The following TPO variants were observed in gnomAD, a reference collection of about 807,000 sequenced individuals.
The protein encoded by TPO is thyroid microsomal antigen.
In TPO, 78 loss-of-function variants were observed where a neutral mutation model predicts 96.9. That is an observed-to-expected ratio of 0.81 (90% CI 0.67 to 0.97). The LOEUF is 0.97. TPO is among the 50% of genes least tolerant of loss of function. TPO has a pLI of 0.00. For synonymous variants in TPO, 547 were observed against 538.0 expected (o/e 1.02, Z -0.23); for missense variants, 1,252 against 1,274.8 (o/e 0.98, Z 0.27).
Position 1,468,515 on chromosome 2 carries a change from AG to A in TPO, c.820-8569del, listed in dbSNP as rs1349749627. On this transcript the variant is annotated intron_variant, in intron 7 of 16. Transcript: ENST00000329066. ...TTTTGGTGGATAATTGTTTTGTCTG[AG>A]GAGGCTGAAGATGGGTCCCAATCCC... Among the ~76,000 whole-genome samples, 6 of 152,156 alleles carry A rather than the reference AG, an allele frequency of 3.9e-5. No individual in the cohort carries two copies. In the East Asian group the frequency reaches 1.2e-3, roughly 29 times the overall value.
chr2:1,394,108 C>T lies in TPO; in HGVS notation n.180+19706C>T, dbSNP rs185861788. ...ATCATTGACAAAATATGTCCAGCAG[C>T]CCCCAAATATTTCACTACATCCACT... is the stretch of plus-strand genomic sequence containing the variant. On this transcript the variant is annotated intron_variant and non_coding_transcript_variant, in intron 1 of 5. Coordinates refer to the TPO transcript ENST00000497517. 2.6e-3 allele frequency among the ~76,000 whole-genome samples: 390 copies of T among 152,278 alleles called. 8 individuals carry two copies. Among genetic ancestry groups the T allele is most frequent in the Middle Eastern group, 3.4e-3 (1 of 294 alleles).
intron 10 of TPO, among the ~76,000 whole-genome samples, chr2:1,491,368 T>C (rs1671758625): frequency 6.6e-6 from 1 of 152,190 alleles, no homozygotes; most frequent in Admixed American, 6.5e-5. Context: ...GCAAATGTGT[T>C]TCCTCTTAGA....
At chr2:1,522,682 A>G (rs1295935218) in intron 15 of TPO, among the ~76,000 whole-genome samples, 1 of 152,034 alleles carries the variant, frequency 6.6e-6, no homozygotes, top group African/African-American at 2.4e-5. Context: ...AGTCTGACAC[A>G]TCGCAAAGGC....
In TPO at chr2:1,535,490, C is replaced by T. The variant is rs372967511; in HGVS notation, c.2619-5104C>T. On this transcript the variant is annotated intron_variant, in intron 15 of 16. Coordinates refer to ENST00000329066, the MANE Select transcript of TPO (RefSeq NM_001206744.2). Reference sequence around the variant, plus strand: ...AATCAGCCCCACTCCGTGCAACCTCCGCCTATCCCTCCCACTGGGTGCAAC... The same window carrying T: ...AATCAGCCCCACTCCGTGCAACCTCTGCCTATCCCTCCCACTGGGTGCAAC... Among the ~76,000 whole-genome samples the T allele has an allele frequency of 1.2e-4, 9 of 72,946 alleles. 1 individual carries two copies. The East Asian group carries it at 5.1e-3, about 42-fold the overall frequency. 47.9% of individuals were successfully genotyped at this position (72,946 alleles called of 152,430 possible). A position where few individuals can be genotyped will look rare whatever the true frequency, so the allele number is the denominator to read the frequency against.
intron 15 of TPO, among the ~76,000 whole-genome samples, chr2:1,538,369 C>T (rs970677900): frequency 8.5e-5 from 13 of 152,138 alleles, no homozygotes; most frequent in African/African-American, 2.9e-4. Flanking sequence ...TGAAGAAGAT[C>T]GAATTCAAAT....
At chr2:1,541,412 C>T in intron 16 of TPO, 1 of 169,810 alleles carries the variant, frequency 5.9e-6, no homozygotes, top group South Asian at 1.6e-4. Flanking sequence ...GACTGGAGTG[C>T]AGTGGCACAA....
intron 3 of TPO, among the ~76,000 whole-genome samples, chr2:1,423,969 A>G (rs1664057740): frequency 2.0e-5 from 3 of 152,224 alleles, no homozygotes; most frequent in African/African-American, 7.2e-5. Flanking sequence ...GTGCGTAGTA[A>G]GAAGTGTGTG....
rs745984150 is a variant in TPO at position 1,383,036 on chromosome 2, C to A, written n.180+8634C>A. Among the ~76,000 whole-genome samples, 116 of 152,062 alleles carry A rather than the reference C, an allele frequency of 7.6e-4. 1 individual carries two copies. The highest frequency in any genetic ancestry group is 1.5e-3 in the Non-Finnish European group (105 of 67,986). ...TGATGGTTTCCAGCTTCATCCATGT[C>A]CCTACAAAGGACATGAACTCATCAT... On this transcript the variant is annotated intron_variant and non_coding_transcript_variant, in intron 1 of 5. Coordinates refer to the TPO transcript ENST00000497517.
chr2:1,531,176 GAGCAACCTCCCCAAATCCCCACACTGTC>G (rs532653267), intron 15 of TPO, among the ~76,000 whole-genome samples: 1 of 91,030 alleles, frequency 1.1e-5, no homozygotes, highest in Non-Finnish European at 2.1e-5. Flanking sequence ...CCCCCACTGT[GAGCAACCTCCCCAAATCCCCACACTGTC>G]TGCAACCACC....
At chr2:1,484,499 T>G (rs375004639) in intron 8 of TPO, 97 bp from the exon 9 acceptor site, 1 of 1,529,148 alleles carries the variant, frequency 6.5e-7, no homozygotes, top group African/African-American at 1.4e-5. Flanking sequence ...TCCAGTTCCC[T>G]GGGGCTGTCA....
Position 1,436,264 on chromosome 2 carries a change from A to G in TPO, c.362A>G (p.Glu121Gly), listed in dbSNP as rs777203466. The G allele has an allele frequency of 1.2e-6, 2 of 1,614,210 alleles. No individual in the cohort carries two copies. Among genetic ancestry groups the G allele is most frequent in the South Asian group, 2.2e-5 (2 of 91,080 alleles). Residue 121 changes from glutamate (E) to glycine (G), a missense_variant, in exon 5 of 17, where the codon GAA (glutamate) becomes GGA (glycine). Coordinates refer to ENST00000329066, the MANE Select transcript of TPO (RefSeq NM_001206744.2). ...CTATTTTTCACAGATGCTTTATCAGAAGATCTGCTGAGCATCATTGCAAAC... is the reference window on the plus strand; with the variant it reads ...CTATTTTTCACAGATGCTTTATCAGGAGATCTGCTGAGCATCATTGCAAAC... ...QSQHPTDALS[E>G]DLLSIIANMS... is the part of the protein sequence containing the mutation.
At chr2:1,479,309 G>A (rs1041960700) in intron 8 of TPO, among the ~76,000 whole-genome samples, 1 of 152,168 alleles carries the variant, frequency 6.6e-6, no homozygotes, top group Non-Finnish European at 1.5e-5. Flanking sequence ...GACCTCCACG[G>A]GCAGATGTTC....
At chr2:1,487,756 A>G in intron 9 of TPO, 65 bp from the exon 10 acceptor site, 4 of 1,555,058 alleles carry the variant, frequency 2.6e-6, no homozygotes, top group Admixed American at 1.8e-5. Flanking sequence ...AAAAAAATTG[A>G]GATATTGTTG....
chr2:1,535,730 T>C (rs1679488620), intron 15 of TPO, among the ~76,000 whole-genome samples: 1 of 78,990 alleles, frequency 1.3e-5, no homozygotes, highest in Non-Finnish European at 2.5e-5. Flanking sequence ...ACCCAGTGTG[T>C]GCAACCTCCC....
intron 15 of TPO, among the ~76,000 whole-genome samples, chr2:1,519,570 T>C (rs983755040): frequency 2.6e-5 from 4 of 152,204 alleles, no homozygotes; most frequent in South Asian, 2.1e-4. Flanking sequence ...ATATTCCCTA[T>C]GTTTTATGAA....
At chr2:1,526,625 C>T (rs1329943511) in intron 15 of TPO, among the ~76,000 whole-genome samples, 5 of 148,714 alleles carry the variant, frequency 3.4e-5, no homozygotes, top group African/African-American at 7.5e-5. Flanking sequence ...GTGCAACCTC[C>T]CCAAATCTCC....
At chr2:1,481,223 T>A (rs1356185354) in intron 8 of TPO, among the ~76,000 whole-genome samples, 1 of 152,110 alleles carries the variant, frequency 6.6e-6, no homozygotes, top group Non-Finnish European at 1.5e-5. Context: ...AATCAGTTGC[T>A]CACTTTGGTG....
chr2:1,456,168 A>G lies in TPO; in HGVS notation c.705A>G (p.Gln235=). ...CTGACCTCCTGATGGCATGGGGACA[A>G]TACATCGACCACGACATCGCGTTCA... The part of the protein sequence containing the change: ...RYSDLLMAWG[Q]YIDHDIAFTP... Residue 235 remains glutamine, a synonymous_variant, in exon 7 of 17, where the codon CAA becomes CAG. Coordinates refer to ENST00000329066, the MANE Select transcript of TPO (RefSeq NM_001206744.2). 1 of 1,614,126 alleles carries G rather than the reference A, an allele frequency of 6.2e-7. No homozygotes were observed. The highest frequency in any genetic ancestry group is 8.5e-7 in the Non-Finnish European group (1 of 1,180,044).
chr2:1,395,605 C>T (rs934629870), intron 1 of TPO, among the ~76,000 whole-genome samples: 3 of 152,046 alleles, frequency 2.0e-5, no homozygotes, highest in African/African-American at 7.2e-5. Flanking sequence ...AATGAGTGGT[C>T]TGGTTTGACT....
Sources: gnomAD v4.1 joint callset for allele counts (sites outside exome capture counted in the v4.1 genomes callset) on GRCh38, gnomAD v4.1.1 for gene constraint, MANE v1.5 for transcripts, NCBI Gene and HGNC (gene_info 2026-07-23, HGNC 2026-07-21) for gene names.